Variants in DNAI7 observed in about 807,000 individuals in gnomAD.
DNAI7 encodes the protein dynein axonemal intermediate chain 7.
In DNAI7, 78 loss-of-function variants were observed where a neutral mutation model predicts 86.6. The ratio of observed to expected loss-of-function variants is 0.90; its 90% CI spans 0.75 to 1.09. The LOEUF (loss-of-function observed/expected upper bound fraction) is 1.09. DNAI7 is among the 50% of genes least tolerant of loss of function. The pLI, the probability that DNAI7 is intolerant of heterozygous loss-of-function variation, is 0.00. For missense variants in DNAI7, 753 were observed against 810.2 expected (o/e 0.93, Z 0.86); for synonymous variants, 274 against 273.0 (o/e 1.00, Z -0.04).
intron 13 of DNAI7, among the ~76,000 whole-genome samples, chr12:25,112,929 A>G (rs1359388594): frequency 6.6e-6 from 1 of 152,170 alleles, no homozygotes; most frequent in East Asian, 1.9e-4. Flanking sequence ...ATTAGACAGC[A>G]CAGATCTACT....
chr12:25,136,341 C>G (rs1280036215), intron 9 of DNAI7, among the ~76,000 whole-genome samples: 1 of 152,158 alleles, frequency 6.6e-6, no homozygotes, highest in East Asian at 1.9e-4. Context: ...TCTCAGGAAG[C>G]CTCATCTGTA....
intron 12 of DNAI7, among the ~76,000 whole-genome samples, chr12:25,115,418 C>A (rs1939876307): frequency 6.6e-6 from 1 of 152,180 alleles, no homozygotes; most frequent in African/African-American, 2.4e-5. Flanking sequence ...TTCCCATTCC[C>A]ACCTCCAGCC....
In DNAI7 at chr12:25,144,409, C is replaced by T. The variant is rs1261173589; in HGVS notation, c.958G>A (p.Glu320Lys). 6.2e-7 allele frequency: 1 copy of T among 1,613,934 alleles called. No individual in the cohort carries two copies. The highest frequency in any genetic ancestry group is 2.2e-5 in the East Asian group (1 of 44,878). Reference sequence around the variant, plus strand: ...CCTTGTTCCTCCTCAACTTTTATTTCTTCCTCCTGAATTAAGTGAGACCCT... The same window carrying T: ...CCTTGTTCCTCCTCAACTTTTATTTTTTCCTCCTGAATTAAGTGAGACCCT... ...ERGSHLIQEE[E>K]IKVEEEQGDI... is the part of the protein sequence containing the mutation. The change falls in exon 9 of 16, where the codon GAA becomes AAA. Residue 320 changes from glutamate (E) to lysine (K), a missense_variant. Transcript: ENST00000395987.
intron 8 of DNAI7, among the ~76,000 whole-genome samples, chr12:25,146,041 G>A (rs1592402072): frequency 6.6e-6 from 1 of 151,552 alleles, no homozygotes; most frequent in African/African-American, 2.4e-5. Context: ...TGACTAACAT[G>A]GAGAAACCAC....
chr12:25,143,588 T>C (rs1427469072), intron 9 of DNAI7, among the ~76,000 whole-genome samples: 1 of 152,214 alleles, frequency 6.6e-6, no homozygotes, highest in Admixed American at 6.5e-5. Flanking sequence ...GTTCTTAGAG[T>C]ATCTAATAAT....
rs1944548713 is a variant in DNAI7, at chr12:25,144,264, C to A, written c.1002+101G>T. Reference sequence around the variant, plus strand: ...CACTGGCAAGAAAGTGGCTCCCAGACAATTTCCAGTTGTTTAGGAAAAATC... The same window carrying A: ...CACTGGCAAGAAAGTGGCTCCCAGAAAATTTCCAGTTGTTTAGGAAAAATC... On this transcript the variant is annotated intron_variant, in intron 9 of 15. Coordinates refer to ENST00000395987, the MANE Select transcript of DNAI7 (RefSeq NM_018272.5). 6 of 995,386 alleles carry A rather than the reference C, an allele frequency of 6.0e-6. No homozygotes were observed. In the South Asian group the frequency reaches 9.8e-5, roughly 16 times the overall value. 61.7% of individuals were successfully genotyped at this position (995,386 alleles called of 1,614,324 possible). A position where few individuals can be genotyped will look rare whatever the true frequency, so the allele number is the denominator to read the frequency against.
chr12:25,171,491 G>GA (rs1420668556), intron 2 of DNAI7, among the ~76,000 whole-genome samples: 2 of 151,362 alleles, frequency 1.3e-5, no homozygotes, highest in Non-Finnish European at 3.0e-5. Flanking sequence ...AAAATTACCA[G>GA]AAAAAAAAGT....
intron 13 of DNAI7, among the ~76,000 whole-genome samples, chr12:25,113,064 G>C (rs1044610107): frequency 6.6e-6 from 1 of 152,112 alleles, no homozygotes; most frequent in African/African-American, 2.4e-5. Flanking sequence ...GGGTCGTCAG[G>C]GCTGCTGGAA....
chr12:25,163,655 C>G (rs536245873), intron 2 of DNAI7, among the ~76,000 whole-genome samples: 2 of 152,274 alleles, frequency 1.3e-5, no homozygotes, highest in Admixed American at 1.3e-4. Context: ...ATCAGGGGAC[C>G]TCCCTTGGGA....
At chr12:25,151,315 T>A (rs1233398768) in intron 6 of DNAI7, among the ~76,000 whole-genome samples, 1 of 152,208 alleles carries the variant, frequency 6.6e-6, no homozygotes, top group Non-Finnish European at 1.5e-5. Flanking sequence ...GATTAAGCAC[T>A]ATATAAGAGT....
intron 9 of DNAI7, among the ~76,000 whole-genome samples, chr12:25,142,539 T>G (rs12823028): frequency 0.68 from 103,477 of 151,436 alleles, 39,365 homozygotes; most frequent in East Asian, 0.99. Context: ...GAACTATAAT[T>G]AATTATTACT....
At chr12:25,122,165 T>C (rs1941403269) in intron 10 of DNAI7, among the ~76,000 whole-genome samples, 1 of 152,142 alleles carries the variant, frequency 6.6e-6, no homozygotes, top group Admixed American at 6.6e-5. Context: ...AAGCATGTGT[T>C]ATTATTAAAA....
chr12:25,117,942 T>C (rs12810295), intron 12 of DNAI7, among the ~76,000 whole-genome samples: 11 of 35,622 alleles, frequency 3.1e-4, no homozygotes, highest in Non-Finnish European at 6.8e-4. Context: ...CTTTTTCTTT[T>C]TTTTTTTTTT....
chr12:25,189,291 C>A (rs1950299083), intron 2 of DNAI7, among the ~76,000 whole-genome samples: 1 of 152,046 alleles, frequency 6.6e-6, no homozygotes, highest in Non-Finnish European at 1.5e-5. Context: ...TAAATAATTA[C>A]AATAAAATGA....
intron 12 of DNAI7, among the ~76,000 whole-genome samples, chr12:25,116,496 A>T (rs1403176634): frequency 7.4e-6 from 1 of 134,556 alleles, no homozygotes; most frequent in African/African-American, 2.5e-5. Flanking sequence ...TCTAATTCTA[A>T]TTTCATGTGA....
chr12:25,151,828 C>G (rs1364492628), intron 6 of DNAI7, among the ~76,000 whole-genome samples: 2 of 152,182 alleles, frequency 1.3e-5, no homozygotes, highest in Non-Finnish European at 2.9e-5. Context: ...TGTTAAATGA[C>G]TCTTATAATC....
chr12:25,189,413 G>C (rs190080791), intron 2 of DNAI7, among the ~76,000 whole-genome samples: 2 of 152,150 alleles, frequency 1.3e-5, no homozygotes, highest in East Asian at 3.8e-4. Flanking sequence ...GGCTGAGGCC[G>C]GCAGATCACT....
At chr12:25,176,966 G>A (rs186651164) in intron 2 of DNAI7, among the ~76,000 whole-genome samples, 4 of 146,014 alleles carry the variant, frequency 2.7e-5, no homozygotes, top group Admixed American at 6.9e-5. Context: ...GCAGTGGTGC[G>A]ATCTCGGCTC....
intron 3 of DNAI7, 162 bp from the exon 4 acceptor site, chr12:25,158,725 T>C: frequency 6.8e-7 from 1 of 1,464,798 alleles, no homozygotes; most frequent in South Asian, 1.3e-5. Context: ...TTCTCCTTTC[T>C]TCAAGACAGT....
Sources: allele counts gnomAD v4.1 joint callset (sites outside exome capture counted in the v4.1 genomes callset), GRCh38; gene constraint gnomAD v4.1.1; transcripts MANE v1.5; gene names NCBI Gene and HGNC (gene_info 2026-07-23, HGNC 2026-07-21).